Variants in DTNB observed in about 807,000 individuals in gnomAD.
DTNB encodes dystrobrevin beta.
DTNB carries 63 observed loss-of-function variants against 90.7 expected under a neutral mutation model. That is an observed-to-expected ratio of 0.69 (90% CI 0.57 to 0.86). The LOEUF is 0.86. Among genes scored for constraint, DTNB ranks in the 40% least tolerant of loss-of-function variants. The probability of loss-of-function intolerance (pLI) is 0.00; values close to 1 mark genes in which losing one functional copy is unlikely to be tolerated. For missense variants in DTNB, 744 were observed against 807.1 expected (o/e 0.92, Z 0.95); for synonymous variants, 277 against 286.7 (o/e 0.97, Z 0.34).
At chr2:25,483,802 T>G (rs2150395387) in intron 9 of DTNB, among the ~76,000 whole-genome samples, 1 of 152,338 alleles carries the variant, frequency 6.6e-6, no homozygotes, top group Admixed American at 6.5e-5. Flanking sequence ...CTGGAAAATT[T>G]CTCACTTCCT....
intron 5 of DTNB, among the ~76,000 whole-genome samples, chr2:25,601,091 A>C (rs1282074748): frequency 6.6e-6 from 1 of 152,250 alleles, no homozygotes; most frequent in Non-Finnish European, 1.5e-5. Context: ...ATGATTGCTA[A>C]TTCTTAAATC....
At chr2:25,652,747 G>A in intron 1 of DTNB, 86 bp from the exon 2 acceptor site, 2 of 1,396,570 alleles carry the variant, frequency 1.4e-6, no homozygotes, top group Middle Eastern at 1.8e-4. Context: ...AGAGGGACCG[G>A]AAACCAAGTT....
At chr2:25,449,207 G>A (rs1432350695) in intron 12 of DTNB, among the ~76,000 whole-genome samples, 1 of 152,134 alleles carries the variant, frequency 6.6e-6, no homozygotes, top group Non-Finnish European at 1.5e-5. Flanking sequence ...CAATTCTATT[G>A]TATGAATATA....
intron 4 of DTNB, among the ~76,000 whole-genome samples, chr2:25,620,902 C>T (rs1280147838): frequency 1.3e-5 from 2 of 152,150 alleles, no homozygotes; most frequent in Non-Finnish European, 2.9e-5. Flanking sequence ...GGCACGCACC[C>T]AACAGTCCCA....
At chr2:25,533,836 A>G (rs1363460495) in intron 8 of DTNB, among the ~76,000 whole-genome samples, 1 of 152,128 alleles carries the variant, frequency 6.6e-6, no homozygotes, top group Non-Finnish European at 1.5e-5. Flanking sequence ...TCACTGCTCC[A>G]TACGACAGCA....
chr2:25,425,031 A>G (rs2051076037), intron 15 of DTNB, among the ~76,000 whole-genome samples: 1 of 152,164 alleles, frequency 6.6e-6, no homozygotes. Flanking sequence ...AAGCCCCACG[A>G]GGCTGCAGAT....
chr2:25,481,392 G>A (rs2064924960), intron 10 of DTNB, among the ~76,000 whole-genome samples: 1 of 141,724 alleles, frequency 7.1e-6, no homozygotes. Context: ...GTGACAGACA[G>A]AGACAGTGTC....
chr2:25,494,487 G>A (rs890595566), intron 9 of DTNB, among the ~76,000 whole-genome samples: 3 of 124,250 alleles, frequency 2.4e-5, no homozygotes, highest in Admixed American at 8.3e-5. Context: ...GAGGAGGGGG[G>A]AGTGCGGGGG....
At chr2:25,421,913 C>T (rs981959957) in intron 15 of DTNB, among the ~76,000 whole-genome samples, 11 of 152,330 alleles carry the variant, frequency 7.2e-5, no homozygotes, top group South Asian at 6.2e-4. Context: ...GGCAGGGCAG[C>T]GCTTCCAGGA....
chr2:25,398,010 C>A (rs1280732565), intron 16 of DTNB, among the ~76,000 whole-genome samples: 1 of 152,148 alleles, frequency 6.6e-6, no homozygotes, highest in African/African-American at 2.4e-5. Context: ...CTGGGCCAGG[C>A]ACCATGGCCT....
intron 6 of DTNB, among the ~76,000 whole-genome samples, chr2:25,583,264 T>A (rs200938131): frequency 0.031 from 3,924 of 126,490 alleles, 86 homozygotes; most frequent in East Asian, 0.089. Context: ...AAAAAAAAAA[T>A]ATATATATAT....
intron 8 of DTNB, among the ~76,000 whole-genome samples, chr2:25,569,382 G>A (rs932646502): frequency 1.3e-5 from 2 of 152,162 alleles, no homozygotes; most frequent in African/African-American, 4.8e-5. Flanking sequence ...AACCTTGCAT[G>A]TTTGAATACA....
intron 8 of DTNB, among the ~76,000 whole-genome samples, chr2:25,563,626 A>G (rs1274953547): frequency 6.6e-6 from 1 of 152,172 alleles, no homozygotes; most frequent in African/African-American, 2.4e-5. Flanking sequence ...TTCGTGTTTC[A>G]TATGGTATAA....
At chr2:25,558,852 C>T (rs2057791371) in intron 8 of DTNB, among the ~76,000 whole-genome samples, 1 of 152,146 alleles carries the variant, frequency 6.6e-6, no homozygotes, top group African/African-American at 2.4e-5. Context: ...TCCCCCTAAC[C>T]CTTGGGGGGC....
At chr2:25,454,850 T>C (rs1304810878) in intron 11 of DTNB, among the ~76,000 whole-genome samples, 2 of 152,124 alleles carry the variant, frequency 1.3e-5, no homozygotes, top group African/African-American at 4.8e-5. Flanking sequence ...AGGGTCTACA[T>C]AATTTGGAAA....
At chr2:25,661,073 T>C (rs568921883) in intron 1 of DTNB, among the ~76,000 whole-genome samples, 1 of 152,378 alleles carries the variant, frequency 6.6e-6, no homozygotes, top group South Asian at 2.1e-4. Flanking sequence ...CTAATATGTT[T>C]ACTGGTCATA....
chr2:25,658,310 A>G (rs2082478117), intron 1 of DTNB, among the ~76,000 whole-genome samples: 1 of 152,042 alleles, frequency 6.6e-6, no homozygotes, highest in South Asian at 2.1e-4. Flanking sequence ...GGCAGCAGGA[A>G]CTCTCATCAT....
intron 16 of DTNB, among the ~76,000 whole-genome samples, chr2:25,399,950 C>T (rs1442147746): frequency 6.6e-6 from 1 of 152,170 alleles, no homozygotes; most frequent in African/African-American, 2.4e-5. Flanking sequence ...GTGAGGAATG[C>T]TCTTCTGGGG....
At chr2:25,383,809 C>G in intron 19 of DTNB, 27 bp downstream of exon 19, 1 of 1,614,044 alleles carries the variant, frequency 6.2e-7, no homozygotes, top group Non-Finnish European at 8.5e-7. Flanking sequence ...CCCATTTAAA[C>G]GAGCAGTCCT....
Sources: allele counts gnomAD v4.1 joint callset (sites outside exome capture counted in the v4.1 genomes callset), GRCh38; gene constraint gnomAD v4.1.1; transcripts MANE v1.5; gene names NCBI Gene and HGNC (gene_info 2026-07-23, HGNC 2026-07-21).